PTPRM: variants seen among roughly 807,000 people sequenced by gnomAD.
The protein encoded by PTPRM is protein tyrosine phosphatase receptor type M.
In PTPRM, 47 loss-of-function variants were observed where a neutral mutation model predicts 186.7. That is an observed-to-expected ratio of 0.25 (90% CI 0.20 to 0.32). The LOEUF is 0.32. PTPRM is among the 10% of genes least tolerant of loss of function. The pLI is 1.00. For synonymous variants in PTPRM, 668 were observed against 674.9 expected, an observed-to-expected ratio of 0.99 and a Z score of 0.16; for missense variants, 1,494 against 1,865.0, an observed-to-expected ratio of 0.80 and a Z score of 3.66.
chr18:7,766,720 G>T (rs141176623), intron 1 of PTPRM, among the ~76,000 whole-genome samples: 155 of 152,280 alleles, frequency 1.0e-3, no homozygotes, highest in African/African-American at 3.6e-3. Flanking sequence ...CCTCCTGCAG[G>T]ATCTCTCCTG....
At chr18:8,166,144 G>T (rs953765682) in intron 14 of PTPRM, among the ~76,000 whole-genome samples, 23 of 152,130 alleles carry the variant, frequency 1.5e-4, no homozygotes, top group Non-Finnish European at 1.0e-4. Flanking sequence ...GTGAATAAAC[G>T]CAGATCCTAT....
intron 5 of PTPRM, among the ~76,000 whole-genome samples, chr18:7,944,047 C>T (rs2052362245): frequency 6.6e-6 from 1 of 152,172 alleles, no homozygotes; most frequent in African/African-American, 2.4e-5. Flanking sequence ...CTGTTCGTCT[C>T]CATTGTAAAT....
chr18:7,836,778 GT>G (rs889527350), intron 2 of PTPRM, among the ~76,000 whole-genome samples: 3 of 152,014 alleles, frequency 2.0e-5, no homozygotes, highest in East Asian at 1.9e-4. Flanking sequence ...TAGGATAAAA[GT>G]TTTTTTTCCT....
At position 7,709,766 on chromosome 18, in the gene PTPRM, A is replaced by G. The variant is rs144778240; in HGVS notation, c.74-64383A>G. Reference sequence around the variant, plus strand: ...ATGCAAAAGATCATTCAAGGCTACTATGAATACCTTTATGTGCACAAACTA... The same window carrying G: ...ATGCAAAAGATCATTCAAGGCTACTGTGAATACCTTTATGTGCACAAACTA... On this transcript the variant is annotated intron_variant, in intron 1 of 32. Transcript: ENST00000580170. Among the ~76,000 whole-genome samples the G allele has an allele frequency of 2.8e-4, 43 of 152,300 alleles. 2 individuals carry two copies. In the East Asian group the frequency reaches 7.7e-3, roughly 27 times the overall value.
intron 1 of PTPRM, among the ~76,000 whole-genome samples, chr18:7,573,400 T>A (rs1270004990): frequency 1.3e-5 from 2 of 152,090 alleles, no homozygotes; most frequent in African/African-American, 4.8e-5. Context: ...TAATCTGTGC[T>A]TCTCAAAACC....
intron 7 of PTPRM, among the ~76,000 whole-genome samples, chr18:7,986,198 C>G (rs989811154): frequency 7.9e-5 from 12 of 152,128 alleles, no homozygotes; most frequent in Non-Finnish European, 1.0e-4. Context: ...AGTTCAAGTC[C>G]TCAGTAGTGC....
rs74496868 is a variant in PTPRM at position 8,305,167 on chromosome 18, C to A, written c.2842+8712C>A. On this transcript the variant is annotated intron_variant, in intron 20 of 32. Transcript: ENST00000580170. ...TGGTAATCCTTTTGAATGATTTTATCAGATTTTTTGCTTGTTTGCCCACCA... is the reference window on the plus strand; with the variant it reads ...TGGTAATCCTTTTGAATGATTTTATAAGATTTTTTGCTTGTTTGCCCACCA... Among the ~76,000 whole-genome samples, 619 of 152,226 alleles carry A rather than the reference C, an allele frequency of 4.1e-3. 2 individuals carry two copies. Among genetic ancestry groups the A allele is most frequent in the Non-Finnish European group, 5.9e-3 (403 of 68,020 alleles).
chr18:7,939,429 T>A (rs2052028347), intron 5 of PTPRM, among the ~76,000 whole-genome samples: 1 of 152,208 alleles, frequency 6.6e-6, no homozygotes, highest in Non-Finnish European at 1.5e-5. Flanking sequence ...AATATGTATC[T>A]TTTGCTGGTA....
intron 32 of PTPRM, chr18:8,403,473 A>G (rs1477511718): frequency 1.3e-5 from 2 of 152,156 alleles, no homozygotes; most frequent in African/African-American, 4.8e-5. Flanking sequence ...CCAGCCGTGT[A>G]ATGCACTATG....
At chr18:8,165,172 AAAAAAAAAAAAG>A (rs1263788660) in intron 14 of PTPRM, among the ~76,000 whole-genome samples, 1 of 151,634 alleles carries the variant, frequency 6.6e-6, no homozygotes, top group Non-Finnish European at 1.5e-5. Context: ...CATCTCAAAA[AAAAAAAAAAAAG>A]AAAGAAAGAA....
chr18:8,217,306 C>T (rs991817463), intron 14 of PTPRM, among the ~76,000 whole-genome samples: 3 of 152,098 alleles, frequency 2.0e-5, no homozygotes, highest in African/African-American at 7.2e-5. Flanking sequence ...TAGGTTTCTG[C>T]GTATCAAGAA....
chr18:7,614,546 A>G (rs1158781973), intron 1 of PTPRM, among the ~76,000 whole-genome samples: 1 of 152,210 alleles, frequency 6.6e-6, no homozygotes, highest in Non-Finnish European at 1.5e-5. Context: ...TTAACTCTGA[A>G]GGATTGTCTT....
intron 7 of PTPRM, among the ~76,000 whole-genome samples, chr18:8,019,898 G>A (rs1247687032): frequency 6.6e-6 from 1 of 150,724 alleles, no homozygotes; most frequent in Non-Finnish European, 1.5e-5. Flanking sequence ...GGGTTCTCAT[G>A]CATTAAATCC....
intron 2 of PTPRM, among the ~76,000 whole-genome samples, chr18:7,860,137 G>C (rs1221525201): frequency 6.6e-6 from 1 of 151,728 alleles, no homozygotes; most frequent in Non-Finnish European, 1.5e-5. Context: ...CAGTGGTGCA[G>C]TCTCAGCTCA....
chr18:8,069,431 A>T (rs904531074), intron 7 of PTPRM, among the ~76,000 whole-genome samples: 1 of 152,230 alleles, frequency 6.6e-6, no homozygotes, highest in African/African-American at 2.4e-5. Flanking sequence ...CTCAGAAACT[A>T]TTTTGGACAT....
intron 20 of PTPRM, among the ~76,000 whole-genome samples, chr18:8,300,961 T>C (rs2147917174): frequency 6.6e-6 from 1 of 152,272 alleles, no homozygotes; most frequent in African/African-American, 2.4e-5. Flanking sequence ...CACACGTACA[T>C]AGTGGCTGTT....
At chr18:8,324,384 C>A (rs1446083454) in intron 22 of PTPRM, among the ~76,000 whole-genome samples, 2 of 152,070 alleles carry the variant, frequency 1.3e-5, no homozygotes, top group Admixed American at 1.3e-4. Context: ...AAAGTTTATG[C>A]CTTTGCTCAC....
At chr18:7,709,891 G>A (rs1003616432) in intron 1 of PTPRM, among the ~76,000 whole-genome samples, 2 of 152,126 alleles carry the variant, frequency 1.3e-5, no homozygotes, top group South Asian at 2.1e-4. Flanking sequence ...AACAAGCAGT[G>A]AGAGTAAATC....
chr18:7,656,610 A>G (rs2038855245), intron 1 of PTPRM, among the ~76,000 whole-genome samples: 1 of 152,146 alleles, frequency 6.6e-6, no homozygotes, highest in Non-Finnish European at 1.5e-5. Context: ...AGAAAAGTTC[A>G]GTGGTTGGGG....
Sources: allele counts gnomAD v4.1 joint callset (sites outside exome capture counted in the v4.1 genomes callset), GRCh38; gene constraint gnomAD v4.1.1; transcripts MANE v1.5; gene names NCBI Gene and HGNC (gene_info 2026-07-23, HGNC 2026-07-21).